The following ANO10 variants were observed in gnomAD, a reference collection of about 807,000 sequenced individuals.
ANO10 encodes anoctamin-10.
ANO10 carries 77 observed loss-of-function variants against 74.7 expected under a neutral mutation model. The ratio of observed to expected loss-of-function variants is 1.03; its 90% CI spans 0.86 to 1.25. ANO10 has a LOEUF of 1.25. Among genes scored for constraint, ANO10 ranks in the 50% most tolerant of loss-of-function variants. ANO10 has a pLI of 0.00. For missense variants in ANO10, 721 were observed against 778.1 expected, an observed-to-expected ratio of 0.93 and a Z score of 0.87; for synonymous variants, 279 against 284.9, an observed-to-expected ratio of 0.98 and a Z score of 0.21.
At chr3:43,522,640 G>A (rs565033456) in intron 11 of ANO10, among the ~76,000 whole-genome samples, 6 of 152,332 alleles carry the variant, frequency 3.9e-5, no homozygotes, top group African/African-American at 1.4e-4. Context: ...TTACTTGCAA[G>A]CCACAAATAC....
chr3:43,533,716 A>T (rs145135344), intron 11 of ANO10, among the ~76,000 whole-genome samples: 1 of 152,370 alleles, frequency 6.6e-6, no homozygotes, highest in African/African-American at 2.4e-5. Flanking sequence ...CACACCAATC[A>T]TTGTACTTCA....
chr3:43,401,688 T>C (rs2092484598), intron 12 of ANO10, among the ~76,000 whole-genome samples: 1 of 152,220 alleles, frequency 6.6e-6, no homozygotes. Context: ...GTTATAATTA[T>C]AGAATGGAGC....
At chr3:43,469,038 CTTTTTTTTT>C (rs371985258) in intron 11 of ANO10, among the ~76,000 whole-genome samples, 3 of 70,338 alleles carry the variant, frequency 4.3e-5, no homozygotes, top group East Asian at 5.0e-4. Context: ...CAATTAGCTG[CTTTTTTTTT>C]TTTTTTTTTT....
At chr3:43,415,707 A>C (rs4682686) in intron 12 of ANO10, among the ~76,000 whole-genome samples, 1 of 151,820 alleles carries the variant, frequency 6.6e-6, no homozygotes, top group Admixed American at 6.6e-5. Context: ...ACGTCTGGCT[A>C]ATTTTTGAAT....
chr3:43,492,879 C>T (rs796503368), intron 11 of ANO10, among the ~76,000 whole-genome samples: 8 of 152,218 alleles, frequency 5.3e-5, no homozygotes, highest in East Asian at 1.9e-4. Context: ...GACAGTGTGG[C>T]GATTCCTCAA....
chr3:43,636,210 C>T (rs1332130519), intron 1 of ANO10: 2 of 152,312 alleles, frequency 1.3e-5, no homozygotes, highest in African/African-American at 4.8e-5. Flanking sequence ...GTCAAGAAGG[C>T]TGCTGCTGTG....
At chr3:43,383,467 AAAAAAAAG>A (rs2092029967) in intron 12 of ANO10, among the ~76,000 whole-genome samples, 1 of 151,542 alleles carries the variant, frequency 6.6e-6, no homozygotes. Flanking sequence ...AAAAAAAAAA[AAAAAAAAG>A]GATACTCCAC....
At chr3:43,546,129 G>T (rs1168235486) in intron 11 of ANO10, among the ~76,000 whole-genome samples, 1 of 152,136 alleles carries the variant, frequency 6.6e-6, no homozygotes, top group African/African-American at 2.4e-5. Context: ...AGTCAATAAG[G>T]TATAAACAAA....
intron 1 of ANO10, among the ~76,000 whole-genome samples, chr3:43,614,396 C>T (rs893645904): frequency 1.3e-5 from 2 of 152,092 alleles, no homozygotes; most frequent in Admixed American, 1.3e-4. Context: ...ACAAATTTCA[C>T]TATCCCTGAT....
At chr3:43,625,443 A>G (rs992746856), upstream of ANO10, among the ~76,000 whole-genome samples, 1 of 152,216 alleles carries the variant, frequency 6.6e-6, no homozygotes, top group African/African-American at 2.4e-5. Context: ...TTTACTTTTC[A>G]GAGTCCTTGG....
chr3:43,499,822 A>G (rs2077037290), intron 11 of ANO10, among the ~76,000 whole-genome samples: 1 of 151,652 alleles, frequency 6.6e-6, no homozygotes, highest in Admixed American at 6.6e-5. Context: ...TTGTTAATGT[A>G]CTACTAGATT....
At chr3:43,448,998 A>C (rs2074720357) in intron 11 of ANO10, among the ~76,000 whole-genome samples, 1 of 150,338 alleles carries the variant, frequency 6.7e-6, no homozygotes, top group East Asian at 2.0e-4. Context: ...CAGCCTCCTT[A>C]GTAGCTGAGA....
At chr3:43,469,326 G>C (rs531402021) in intron 11 of ANO10, among the ~76,000 whole-genome samples, 3 of 151,940 alleles carry the variant, frequency 2.0e-5, no homozygotes, top group African/African-American at 7.3e-5. Flanking sequence ...GATTACAGGC[G>C]TGAGCCACCA....
rs753174628 is a variant in ANO10, at chr3:43,598,596, T to G, written c.408A>C (p.Arg136Ser). The change falls in exon 4 of 13, where the codon AGA becomes AGC. Residue 136 changes from arginine (R) to serine (S), a missense_variant. Arg to Ser is a moderately radical substitution (Grantham distance 110). Transcript: ENST00000292246. ...CAGGGATCATTTTTTCATCTTTAGC[T>G]CTAAGATTTTCAAGTTCATGTTTGA... The part of the protein sequence containing the change: ...FIIKHELENL[R>S]AKDEKMIPGY... 1 of 1,612,356 alleles carries G rather than the reference T, an allele frequency of 6.2e-7. No individual in the cohort carries two copies. The highest frequency in any genetic ancestry group is 1.1e-5 in the South Asian group (1 of 90,858).
chr3:43,479,334 G>T (rs1311801827), intron 11 of ANO10, among the ~76,000 whole-genome samples: 2 of 152,028 alleles, frequency 1.3e-5, no homozygotes, highest in Non-Finnish European at 2.9e-5. Flanking sequence ...CATTGTTGTT[G>T]CTTTCTTTTT....
rs149290481 is a variant in ANO10 at position 43,620,914 on chromosome 3, G to A, written c.-12+995C>T. On this transcript the variant is annotated intron_variant, in intron 1 of 12. Coordinates refer to ENST00000292246, the MANE Select transcript of ANO10 (RefSeq NM_018075.5). ...CGATTCTTTCAGCAACAGCTGTTCAGAACAGATGATTTACTTTCCATAGCG... is the reference window on the plus strand; with the variant it reads ...CGATTCTTTCAGCAACAGCTGTTCAAAACAGATGATTTACTTTCCATAGCG... Among the ~76,000 whole-genome samples the A allele has an allele frequency of 1.1e-3, 170 of 152,314 alleles. 3 individuals are homozygous for A. The East Asian group carries it at 0.032, about 29-fold the overall frequency.
intron 12 of ANO10, among the ~76,000 whole-genome samples, chr3:43,382,323 C>T (rs372827375): frequency 0.061 from 9,182 of 151,738 alleles, 630 homozygotes; most frequent in Admixed American, 0.15. Flanking sequence ...ATCGAGACCA[C>T]CCTGGCTAAC....
chr3:43,613,553 T>A (rs2082938038), intron 1 of ANO10, among the ~76,000 whole-genome samples: 1 of 152,186 alleles, frequency 6.6e-6, no homozygotes, highest in African/African-American at 2.4e-5. Context: ...TTCTTGTAGG[T>A]TTCTGAGCAG....
intron 11 of ANO10, among the ~76,000 whole-genome samples, chr3:43,436,934 T>C (rs987547913): frequency 6.6e-6 from 1 of 152,200 alleles, no homozygotes; most frequent in East Asian, 1.9e-4. Flanking sequence ...TACAATGGTA[T>C]GTATGCAGAG....
Sources: gnomAD v4.1 joint callset for allele counts (sites outside exome capture counted in the v4.1 genomes callset) on GRCh38, gnomAD v4.1.1 for gene constraint, MANE v1.5 for transcripts, NCBI Gene and HGNC (gene_info 2026-07-23, HGNC 2026-07-21) for gene names.